The following TASP1 variants were observed in gnomAD, a reference collection of about 807,000 sequenced individuals.
TASP1 encodes threonine aspartase 1.
TASP1 carries 16 observed loss-of-function variants against 56.6 expected under a neutral mutation model. The observed-to-expected ratio is 0.28, with a 90% CI of 0.19 to 0.43. The LOEUF (loss-of-function observed/expected upper bound fraction) is 0.43. TASP1 is among the 20% of genes least tolerant of loss of function. The pLI is 1.00. For synonymous variants in TASP1, 179 were observed against 184.2 expected (o/e 0.97, Z 0.23); for missense variants, 393 against 511.6 (o/e 0.77, Z 2.24).
chr20:13,105,700 C>G, the TASP1 span, among the ~76,000 whole-genome samples: 1 of 152,122 alleles, frequency 6.6e-6, no homozygotes. Flanking sequence ...ATTCCAGTGT[C>G]GTCGGAGCCA....
chr20:13,569,472 T>A lies in TASP1; in HGVS notation c.568+35A>T, dbSNP rs754623537. On this transcript the variant is annotated intron_variant, in intron 7 of 13. Coordinates refer to ENST00000337743, the MANE Select transcript of TASP1 (RefSeq NM_017714.3). ...AATATTATACTTTAGGTATATATGC[T>A]CATATAGCTTAATTTTTTTTAAGTT... is the stretch of plus-strand genomic sequence containing the variant. 87 of 1,541,944 alleles carry A rather than the reference T, an allele frequency of 5.6e-5. No individual in the cohort carries two copies. The East Asian group carries it at 1.9e-3, about 33-fold the overall frequency.
chr20:13,525,292 C>T (rs1457861633), intron 10 of TASP1, among the ~76,000 whole-genome samples: 1 of 152,146 alleles, frequency 6.6e-6, no homozygotes. Context: ...AACCCCTTGC[C>T]CAGGCTCCAC....
the TASP1 span, among the ~76,000 whole-genome samples, chr20:13,258,767 G>C: frequency 2.6e-5 from 4 of 152,072 alleles, no homozygotes; most frequent in Admixed American, 6.5e-5. Context: ...TGTTCGAAAG[G>C]AGTTTGGGTG....
chr20:13,510,555 T>C (rs1261884326), intron 10 of TASP1, among the ~76,000 whole-genome samples: 1 of 152,176 alleles, frequency 6.6e-6, no homozygotes, highest in Non-Finnish European at 1.5e-5. Flanking sequence ...AAGAACAGAT[T>C]TAAATGAAAA....
At chr20:13,588,228 A>G (rs1202426254) in intron 4 of TASP1, among the ~76,000 whole-genome samples, 2 of 149,994 alleles carry the variant, frequency 1.3e-5, no homozygotes, top group Non-Finnish European at 3.0e-5. Flanking sequence ...ATTAGACAAA[A>G]AGGAGAAAGA....
rs60404222 is a variant in TASP1 at position 13,506,315 on chromosome 20, C to T, written c.874+22118G>A. Among the ~76,000 whole-genome samples the T allele has an allele frequency of 1.8e-3, 278 of 152,232 alleles. 1 individual carries two copies. Among genetic ancestry groups the T allele is most frequent in the African/African-American group, 6.3e-3 (261 of 41,558 alleles). ...AGCTTTGCTACTGAGTTCTACCAAA[C>T]ATTTAAAGAACTAATAACAATCCTT... On this transcript the variant is annotated intron_variant, in intron 10 of 13. Transcript: ENST00000337743.
At chr20:13,200,941 C>A in the TASP1 span, among the ~76,000 whole-genome samples, 3 of 152,198 alleles carry the variant, frequency 2.0e-5, no homozygotes, top group Non-Finnish European at 4.4e-5. Context: ...ACCATTATGT[C>A]TTTTGTAAAG....
At chr20:13,241,822 T>C in the TASP1 span, among the ~76,000 whole-genome samples, 1 of 152,172 alleles carries the variant, frequency 6.6e-6, no homozygotes, top group Non-Finnish European at 1.5e-5. Context: ...ATGCTTTTAT[T>C]GTTCCCATCA....
intron 7 of TASP1, among the ~76,000 whole-genome samples, chr20:13,567,499 T>C (rs2046574395): frequency 6.6e-6 from 1 of 152,082 alleles, no homozygotes; most frequent in African/African-American, 2.4e-5. Flanking sequence ...TTTCTTTTAA[T>C]TTCTCCAAAT....
the TASP1 span, among the ~76,000 whole-genome samples, chr20:13,121,330 C>T: frequency 2.0e-5 from 3 of 152,202 alleles, no homozygotes; most frequent in Non-Finnish European, 2.9e-5. Context: ...CAGAAGCCTG[C>T]ATGCCAGCCA....
At chr20:13,480,132 G>C (rs2043084425) in intron 11 of TASP1, among the ~76,000 whole-genome samples, 1 of 152,100 alleles carries the variant, frequency 6.6e-6, no homozygotes. Flanking sequence ...TGCCTGAAAA[G>C]AATTTCACAT....
At chr20:13,196,967 G>A in the TASP1 span, among the ~76,000 whole-genome samples, 1 of 152,172 alleles carries the variant, frequency 6.6e-6, no homozygotes. Context: ...GTTTACTCTG[G>A]CATATAGTAG....
chr20:13,120,682 G>T, the TASP1 span, among the ~76,000 whole-genome samples: 1 of 152,042 alleles, frequency 6.6e-6, no homozygotes, highest in African/African-American at 2.4e-5. Flanking sequence ...AAAACAAGGA[G>T]AAAAAAATGG....
the TASP1 span, among the ~76,000 whole-genome samples, chr20:13,201,974 C>T: frequency 6.6e-6 from 1 of 152,038 alleles, no homozygotes; most frequent in Non-Finnish European, 1.5e-5. Context: ...AGGCTGGTCT[C>T]GAACTCCTGA....
At chr20:13,178,288 T>A in the TASP1 span, among the ~76,000 whole-genome samples, 2 of 152,020 alleles carry the variant, frequency 1.3e-5, no homozygotes, top group African/African-American at 4.8e-5. Flanking sequence ...AAAAGGGAAC[T>A]CTTACAGACT....
chr20:13,290,257 C>T, the TASP1 span, among the ~76,000 whole-genome samples: 1 of 150,484 alleles, frequency 6.6e-6, no homozygotes, highest in Non-Finnish European at 1.5e-5. Context: ...TAAATAATAA[C>T]AATATGAGGA....
downstream of TASP1, among the ~76,000 whole-genome samples, chr20:13,385,308 T>G (rs1394238027): frequency 6.6e-6 from 1 of 152,264 alleles, no homozygotes; most frequent in Non-Finnish European, 1.5e-5. Context: ...ACTGTTGCTC[T>G]TCAGCTTCTG....
chr20:13,582,322 GTATAACT>G (rs1038169713), intron 5 of TASP1, among the ~76,000 whole-genome samples: 4 of 151,400 alleles, frequency 2.6e-5, no homozygotes, highest in African/African-American at 4.8e-5. Flanking sequence ...TGTTATAAAT[GTATAACT>G]TATAACTTAT....
intron 13 of TASP1, among the ~76,000 whole-genome samples, chr20:13,415,376 A>G (rs1026132298): frequency 6.6e-6 from 1 of 151,866 alleles, no homozygotes; most frequent in Non-Finnish European, 1.5e-5. Context: ...ATAACAAAAG[A>G]GATAATTTTT....
Sources: gnomAD v4.1 joint callset for allele counts (sites outside exome capture counted in the v4.1 genomes callset) on GRCh38, gnomAD v4.1.1 for gene constraint, MANE v1.5 for transcripts, NCBI Gene and HGNC (gene_info 2026-07-23, HGNC 2026-07-21) for gene names.